The following CTDSPL2 variants were observed in gnomAD, a reference collection of about 807,000 sequenced individuals.
CTDSPL2 encodes CTD small phosphatase-like protein 2.
CTDSPL2 carries 5 observed loss-of-function variants against 60.0 expected under a neutral mutation model. That is an observed-to-expected ratio of 0.08 (90% CI 0.04 to 0.18). CTDSPL2 has a LOEUF of 0.18. Among genes scored for constraint, CTDSPL2 ranks in the 10% least tolerant of loss-of-function variants. The pLI is 1.00. For missense variants in CTDSPL2, 370 were observed against 548.8 expected (o/e 0.67, Z 3.26); for synonymous variants, 186 against 189.3 (o/e 0.98, Z 0.14).
At chr15:44,450,368 A>G (rs565998374) in intron 1 of CTDSPL2, among the ~76,000 whole-genome samples, 31 of 152,148 alleles carry the variant, frequency 2.0e-4, no homozygotes, top group Admixed American at 4.6e-4. Flanking sequence ...ATTTCTAGAG[A>G]TACTACCAAA....
At chr15:44,453,095 A>G (rs1056117029) in intron 1 of CTDSPL2, among the ~76,000 whole-genome samples, 1 of 152,132 alleles carries the variant, frequency 6.6e-6, no homozygotes, top group African/African-American at 2.4e-5. Flanking sequence ...TTGCAAAGAG[A>G]TAAGTTTCAC....
chr15:44,501,197 G>A (rs915739244), intron 8 of CTDSPL2, among the ~76,000 whole-genome samples: 1 of 151,886 alleles, frequency 6.6e-6, no homozygotes, highest in Non-Finnish European at 1.5e-5. Flanking sequence ...TGTTTTTCGT[G>A]ATTGCATTTG....
intron 5 of CTDSPL2, among the ~76,000 whole-genome samples, chr15:44,491,772 G>A (rs1458509275): frequency 6.6e-6 from 1 of 152,176 alleles, no homozygotes; most frequent in African/African-American, 2.4e-5. Flanking sequence ...TTGGGGCCAG[G>A]CATGATGGCT....
chr15:44,442,461 AAAGAT>A, intron 1 of CTDSPL2, among the ~76,000 whole-genome samples: 1 of 151,846 alleles, frequency 6.6e-6, no homozygotes, highest in South Asian at 2.1e-4. Context: ...AAAAAAAAAA[AAAGAT>A]AGATAATTTT....
At position 44,525,457 on chromosome 15, in the gene CTDSPL2, A is replaced by C. The variant is rs1189386627; in HGVS notation, c.*1283A>C. ...CTTTTTATGGAAGGTAGAATTTGTAAAAGTTCGTATGCTTTGCCTCTCAAC... is the reference window on the plus strand; with the variant it reads ...CTTTTTATGGAAGGTAGAATTTGTACAAGTTCGTATGCTTTGCCTCTCAAC... On this transcript the variant is annotated 3_prime_UTR_variant, in exon 13 of 13. Coordinates refer to ENST00000260327, the MANE Select transcript of CTDSPL2 (RefSeq NM_016396.3). The C allele has an allele frequency of 5.0e-6, 2 of 398,818 alleles. No individual in the cohort carries two copies. Among genetic ancestry groups the C allele is most frequent in the Non-Finnish European group, 8.8e-6 (2 of 225,996 alleles). 24.7% of individuals were successfully genotyped at this position (398,818 alleles called of 1,614,324 possible).
chr15:44,513,787 A>G (rs1007032249), intron 8 of CTDSPL2, among the ~76,000 whole-genome samples: 3 of 152,248 alleles, frequency 2.0e-5, no homozygotes, highest in African/African-American at 7.2e-5. Context: ...AATGAATACA[A>G]TTTAGAGGAG....
chr15:44,458,368 A>G (rs2080492491), intron 1 of CTDSPL2, among the ~76,000 whole-genome samples: 1 of 152,002 alleles, frequency 6.6e-6, no homozygotes, highest in African/African-American at 2.4e-5. Flanking sequence ...GAGAGCTCAA[A>G]TAAATAGCCT....
rs368247562 is a variant in CTDSPL2 at position 44,459,051 on chromosome 15, A to C, written c.37A>C (p.Asn13His). 7 of 1,607,468 alleles carry C rather than the reference A, an allele frequency of 4.4e-6. No homozygotes were observed. The highest frequency in any genetic ancestry group is 5.9e-6 in the Non-Finnish European group (7 of 1,176,650). The part of the protein sequence containing the change: ...LRTRKASQQS[N>H]QIQTQRTARA... Reference sequence around the variant, plus strand: ...AACACGGAAAGCTTCTCAGCAGTCAAATCAAATCCAAACACAACGCACTGC... The same window carrying C: ...AACACGGAAAGCTTCTCAGCAGTCACATCAAATCCAAACACAACGCACTGC... The change falls in exon 2 of 13, where the codon AAT (asparagine) becomes CAT (histidine). Residue 13 changes from asparagine to histidine, a missense_variant. This residue lies in a region of CTDSPL2 where 287 missense variants were observed against 296.1 expected (regional missense o/e 0.97). Coordinates refer to ENST00000260327, the MANE Select transcript of CTDSPL2 (RefSeq NM_016396.3).
intron 2 of CTDSPL2, among the ~76,000 whole-genome samples, chr15:44,468,207 T>G (rs1215816418): frequency 6.6e-6 from 1 of 152,176 alleles, no homozygotes; most frequent in Non-Finnish European, 1.5e-5. Flanking sequence ...TTGTGGGGTA[T>G]CTTTTACTGT....
At chr15:44,431,720 T>G (rs34691756) in intron 1 of CTDSPL2, among the ~76,000 whole-genome samples, 46,714 of 127,398 alleles carry the variant, frequency 0.37, 8,145 homozygotes, top group Middle Eastern at 0.52. Context: ...TTGTTTGTTT[T>G]TTTTTTTTTT....
chr15:44,497,886 A>G (rs1024618208), intron 7 of CTDSPL2, among the ~76,000 whole-genome samples: 1 of 151,968 alleles, frequency 6.6e-6, no homozygotes, highest in Non-Finnish European at 1.5e-5. Context: ...AATCTCAGCT[A>G]CTCTGGAGGC....
intron 1 of CTDSPL2, among the ~76,000 whole-genome samples, chr15:44,456,878 G>GTTTTTTTTTTTTTTTTTTTTTTTTTTT (rs578000884): frequency 2.0e-5 from 2 of 101,062 alleles, no homozygotes; most frequent in Non-Finnish European, 2.3e-5. Context: ...TTTTTTTTTT[G>GTTTTTTTTTTTTTTTTTTTTTTTTTTT]TTTTTTTTTC....
chr15:44,432,737 A>C (rs996994394), intron 1 of CTDSPL2, among the ~76,000 whole-genome samples: 4 of 151,768 alleles, frequency 2.6e-5, no homozygotes, highest in African/African-American at 9.7e-5. Flanking sequence ...CTCCTGTCTC[A>C]GTCCCCCGAA....
intron 1 of CTDSPL2, among the ~76,000 whole-genome samples, chr15:44,437,729 C>T (rs1595692712): frequency 6.6e-6 from 1 of 152,182 alleles, no homozygotes; most frequent in East Asian, 1.9e-4. Flanking sequence ...CTTCAAGACT[C>T]TTACAGTCTA....
At chr15:44,449,594 GTGT>G (rs1319654834) in intron 1 of CTDSPL2, among the ~76,000 whole-genome samples, 2 of 152,046 alleles carry the variant, frequency 1.3e-5, no homozygotes, top group African/African-American at 4.8e-5. Context: ...GCTTCCCAAA[GTGT>G]TGTGATTAGA....
At chr15:44,471,982 AAAG>A (rs1157934393) in intron 2 of CTDSPL2, among the ~76,000 whole-genome samples, 5 of 152,026 alleles carry the variant, frequency 3.3e-5, no homozygotes, top group African/African-American at 4.8e-5. Flanking sequence ...AAAAAAAAAA[AAAG>A]AGAAAAAACA....
intron 1 of CTDSPL2, among the ~76,000 whole-genome samples, chr15:44,450,513 A>G (rs911026957): frequency 5.3e-5 from 8 of 152,040 alleles, no homozygotes; most frequent in African/African-American, 1.4e-4. Context: ...TTATTTTCCA[A>G]CAAGTCAGTG....
intron 1 of CTDSPL2, among the ~76,000 whole-genome samples, chr15:44,433,504 A>T (rs2079906858): frequency 6.6e-6 from 1 of 151,520 alleles, no homozygotes; most frequent in Non-Finnish European, 1.5e-5. Flanking sequence ...TTCTCTTGAG[A>T]TGGACTCTCA....
rs975527416 is a variant in CTDSPL2 at position 44,528,301 on chromosome 15, T to A, written c.*4127T>A. 2.0e-5 allele frequency: 3 copies of A among 152,010 alleles called. No homozygotes were observed. The highest frequency in any genetic ancestry group is 7.2e-5 in the African/African-American group (3 of 41,426). 9.4% of individuals were successfully genotyped at this position (152,010 alleles called of 1,614,324 possible). A position where few individuals can be genotyped will look rare whatever the true frequency, so the allele number is the denominator to read the frequency against. On this transcript the variant is annotated 3_prime_UTR_variant, in exon 13 of 13. Transcript: ENST00000260327. ...CCTGGAGCCTACCCCTGGAAAATTGTCTCGCTGGATCTCGAGAGGGGCCTG... is the reference window on the plus strand; with the variant it reads ...CCTGGAGCCTACCCCTGGAAAATTGACTCGCTGGATCTCGAGAGGGGCCTG...
Sources: allele counts gnomAD v4.1 joint callset (sites outside exome capture counted in the v4.1 genomes callset), GRCh38; gene constraint gnomAD v4.1.1; regional missense constraint gnomAD v4.1.1; transcripts MANE v1.5; gene names NCBI Gene and HGNC (gene_info 2026-07-23, HGNC 2026-07-21).